RELCH: variants seen among roughly 807,000 people sequenced by gnomAD.
RELCH encodes RAB11 binding and LisH domain, coiled-coil and HEAT repeat containing.
RELCH carries 41 observed loss-of-function variants against 150.3 expected under a neutral mutation model. That is an observed-to-expected ratio of 0.27 (90% CI 0.21 to 0.35). The LOEUF (loss-of-function observed/expected upper bound fraction) is 0.35. RELCH is among the 10% of genes least tolerant of loss of function. The probability of loss-of-function intolerance (pLI) is 1.00; values close to 1 mark genes in which losing one functional copy is unlikely to be tolerated. For missense variants in RELCH, 1,092 were observed against 1,467.8 expected, an observed-to-expected ratio of 0.74 and a Z score of 4.18; for synonymous variants, 478 against 531.8, an observed-to-expected ratio of 0.90 and a Z score of 1.39.
At chr18:62,191,242 G>A (rs896023481) in intron 1 of RELCH, among the ~76,000 whole-genome samples, 11 of 152,168 alleles carry the variant, frequency 7.2e-5, no homozygotes, top group African/African-American at 2.7e-4. Context: ...TCCAGTTTCT[G>A]TACATCTCCT....
At chr18:62,209,729 T>C (rs1245101273) in intron 1 of RELCH, among the ~76,000 whole-genome samples, 1 of 152,214 alleles carries the variant, frequency 6.6e-6, no homozygotes, top group Non-Finnish European at 1.5e-5. Context: ...TGTTCTGATA[T>C]GGATCTTCTT....
chr18:62,255,630 A>C (rs2042958442), intron 13 of RELCH, 152 bp downstream of exon 13: 2 of 644,774 alleles, frequency 3.1e-6, no homozygotes, highest in East Asian at 5.5e-5. Context: ...TCACATTAGT[A>C]CAGTATGGCA....
chr18:62,301,664 A>G (rs1283957208), intron 28 of RELCH, among the ~76,000 whole-genome samples: 1 of 152,130 alleles, frequency 6.6e-6, no homozygotes, highest in African/African-American at 2.4e-5. Flanking sequence ...TTGTATTGGT[A>G]ACAAGTTCCC....
At chr18:62,271,652 A>G (rs948943552) in intron 20 of RELCH, among the ~76,000 whole-genome samples, 3 of 152,154 alleles carry the variant, frequency 2.0e-5, no homozygotes, top group Non-Finnish European at 4.4e-5. Flanking sequence ...TTAGTCATGA[A>G]GTCCTTGCCC....
chr18:62,219,325 C>CT (rs202196452), intron 2 of RELCH, among the ~76,000 whole-genome samples: 31,850 of 112,958 alleles, frequency 0.28, 4,156 homozygotes, highest in East Asian at 0.51. Context: ...TTCTTTTTTT[C>CT]TTTTTTTTTT....
intron 19 of RELCH, among the ~76,000 whole-genome samples, chr18:62,267,658 G>A (rs1194357946): frequency 1.3e-5 from 2 of 151,600 alleles, no homozygotes; most frequent in Non-Finnish European, 2.9e-5. Flanking sequence ...GAGATTTGGG[G>A]TGTGGGGGCG....
intron 1 of RELCH, among the ~76,000 whole-genome samples, chr18:62,206,926 A>G (rs1334632021): frequency 1.3e-5 from 2 of 152,072 alleles, no homozygotes; most frequent in Non-Finnish European, 2.9e-5. Flanking sequence ...TTGTAGAGGC[A>G]GGGTCTTGCT....
chr18:62,270,577 AACTT>A (rs2043838233), intron 20 of RELCH, among the ~76,000 whole-genome samples: 1 of 152,136 alleles, frequency 6.6e-6, no homozygotes, highest in Non-Finnish European at 1.5e-5. Context: ...ACCCACTACT[AACTT>A]ATTTATTTTG....
At chr18:62,291,098 C>G (rs2045106175) in intron 26 of RELCH, among the ~76,000 whole-genome samples, 1 of 152,132 alleles carries the variant, frequency 6.6e-6, no homozygotes, top group African/African-American at 2.4e-5. Flanking sequence ...TTATATTTTT[C>G]TCAATCGTTT....
In RELCH at chr18:62,307,200, T is replaced by C. The variant is rs2045905668; in HGVS notation, c.*1666T>C. On this transcript the variant is annotated 3_prime_UTR_variant, in exon 29 of 29. Transcript: ENST00000644646. ...TAAGCAAAAAAATGAGAAAAGCCTA[T>C]ATTCATGAGAATATACTAATATTTT... The C allele has an allele frequency of 6.6e-6, 1 of 152,124 alleles. No individual in the cohort carries two copies. The highest frequency in any genetic ancestry group is 1.5e-5 in the Non-Finnish European group (1 of 68,018). The allele number at this position is 152,124 out of a possible 1,614,324, so 9.4% of individuals were successfully genotyped here.
chr18:62,254,835 A>G (rs1352111783), intron 12 of RELCH: 1 of 152,236 alleles, frequency 6.6e-6, no homozygotes, highest in Non-Finnish European at 1.5e-5. Context: ...TTTTTTTGTT[A>G]TTTTTGGTTA....
In RELCH at chr18:62,252,685, T is replaced by C. The variant is rs2042781978; in HGVS notation, c.1755T>C (p.Cys585=). 6.2e-7 allele frequency: 1 copy of C among 1,614,042 alleles called. No individual in the cohort carries two copies. The highest frequency in any genetic ancestry group is 1.7e-5 in the Admixed American group (1 of 60,028). ...DEQRQMILTG[C]VAFARHVGPT... ...TCAGGCAAATGATACTGACAGGTTG[T>C]GTGGCATTTGCGCGTCATGTTGGAC... The change falls in exon 12 of 29, where the codon TGT becomes TGC. Residue 585 remains cysteine, a synonymous_variant. Coordinates refer to ENST00000644646, the MANE Select transcript of RELCH (RefSeq NM_001346231.2).
At chr18:62,272,862 T>C (rs951020319) in intron 20 of RELCH, among the ~76,000 whole-genome samples, 1 of 152,238 alleles carries the variant, frequency 6.6e-6, no homozygotes, top group Admixed American at 6.5e-5. Flanking sequence ...ATTTTATATT[T>C]GAAATAGTAG....
At chr18:62,223,017 A>G (rs927197269) in intron 5 of RELCH, among the ~76,000 whole-genome samples, 1 of 152,048 alleles carries the variant, frequency 6.6e-6, no homozygotes, top group African/African-American at 2.4e-5. Flanking sequence ...CTAAATGTCT[A>G]TACAAGGAAA....
At chr18:62,240,435 G>T (rs1409844621) in intron 10 of RELCH, among the ~76,000 whole-genome samples, 2 of 146,082 alleles carry the variant, frequency 1.4e-5, no homozygotes, top group African/African-American at 2.5e-5. Context: ...TGGTGACAGG[G>T]TCTCACTCTG....
chr18:62,230,646 CAG>C (rs1197230626), intron 8 of RELCH, among the ~76,000 whole-genome samples: 3 of 152,008 alleles, frequency 2.0e-5, no homozygotes, highest in Non-Finnish European at 4.4e-5. Flanking sequence ...CAACTGCAAA[CAG>C]AAACTTTCTT....
chr18:62,264,627 C>G, intron 17 of RELCH, 102 bp from the exon 18 acceptor site: 1 of 863,362 alleles, frequency 1.2e-6, no homozygotes, highest in Non-Finnish European at 1.8e-6. Context: ...TTTCAAAGAA[C>G]GAAATAGAAC....
At position 62,239,440 on chromosome 18, in the gene RELCH, G is replaced by A. The variant is rs535176463; in HGVS notation, c.1621-5324G>A. Among the ~76,000 whole-genome samples the A allele has an allele frequency of 2.6e-4, 39 of 151,930 alleles. No individual in the cohort carries two copies. The South Asian group carries it at 7.5e-3, about 29-fold the overall frequency. On this transcript the variant is annotated intron_variant, in intron 10 of 28. Coordinates refer to ENST00000644646, the MANE Select transcript of RELCH (RefSeq NM_001346231.2). ...TTTCAACTGAAAAGTTAAATCAGAG[G>A]TTGTACACTATCTACAGACCAACAA...
At chr18:62,227,240 A>C in intron 5 of RELCH, 49 bp from the exon 6 acceptor site, 1 of 1,253,096 alleles carries the variant, frequency 8.0e-7, no homozygotes, top group Non-Finnish European at 1.1e-6. Flanking sequence ...TCAAAAATGT[A>C]AGATAAAATT....
Sources: allele counts gnomAD v4.1 joint callset (sites outside exome capture counted in the v4.1 genomes callset), GRCh38; gene constraint gnomAD v4.1.1; transcripts MANE v1.5; gene names NCBI Gene and HGNC (gene_info 2026-07-23, HGNC 2026-07-21).